The following AMPH variants were observed in gnomAD, a reference collection of about 807,000 sequenced individuals.
AMPH encodes amphiphysin.
A neutral mutation model predicts 99.1 loss-of-function variants in AMPH; 49 were observed. The observed-to-expected ratio is 0.49, with a 90% CI of 0.39 to 0.63. The LOEUF (loss-of-function observed/expected upper bound fraction) is 0.63, where lower values mean the gene tolerates loss of function less well. AMPH is among the 20% of genes least tolerant of loss of function. The pLI, the probability that AMPH is intolerant of heterozygous loss-of-function variation, is 0.00. For missense variants in AMPH, 759 were observed against 863.4 expected (o/e 0.88, Z 1.52); for synonymous variants, 314 against 317.3 (o/e 0.99, Z 0.11).
intron 5 of AMPH, among the ~76,000 whole-genome samples, chr7:38,478,364 A>G (rs941379965): frequency 2.0e-5 from 3 of 152,190 alleles, no homozygotes; most frequent in Non-Finnish European, 2.9e-5. Context: ...TAGCAGTCCA[A>G]TTCTGGAGGA....
At position 38,472,110 on chromosome 7, in the gene AMPH, A is replaced by G. The variant is rs570160578; in HGVS notation, c.590+3221T>C. On this transcript the variant is annotated intron_variant, in intron 7 of 20. Coordinates refer to ENST00000356264, the MANE Select transcript of AMPH (RefSeq NM_001635.4). ...ACAACATATAGTCAACCTGAACCTC[A>G]CAGGCATATATAGAACATTCCACTC... Among the ~76,000 whole-genome samples, 10 of 152,256 alleles carry G rather than the reference A, an allele frequency of 6.6e-5. 1 individual carries two copies. In the Middle Eastern group the frequency reaches 0.01, roughly 155 times the overall value.
At chr7:38,456,650 G>T (rs113140784) in intron 11 of AMPH, among the ~76,000 whole-genome samples, 1 of 152,142 alleles carries the variant, frequency 6.6e-6, no homozygotes, top group Non-Finnish European at 1.5e-5. Flanking sequence ...GACCACTTGG[G>T]TTCCCGTGGG....
chr7:38,516,558 C>G (rs1261669096), intron 2 of AMPH, among the ~76,000 whole-genome samples: 2 of 152,206 alleles, frequency 1.3e-5, no homozygotes, highest in African/African-American at 4.8e-5. Flanking sequence ...GCTATAGGAG[C>G]AAAGCTCTCA....
At chr7:38,400,162 G>A (rs369261963) in intron 17 of AMPH, among the ~76,000 whole-genome samples, 91 of 151,976 alleles carry the variant, frequency 6.0e-4, no homozygotes, top group Middle Eastern at 3.4e-3. Flanking sequence ...TGCAACCTCC[G>A]CCCCCCAGGT....
At chr7:38,417,637 T>C (rs922649720) in intron 17 of AMPH, among the ~76,000 whole-genome samples, 188 bp downstream of exon 17, 1 of 152,210 alleles carries the variant, frequency 6.6e-6, no homozygotes, top group Middle Eastern at 3.2e-3. Flanking sequence ...AGATCAGTTA[T>C]CTGGATATCT....
chr7:38,515,977 A>G (rs1157258479), intron 2 of AMPH, among the ~76,000 whole-genome samples: 2 of 152,236 alleles, frequency 1.3e-5, no homozygotes, highest in African/African-American at 4.8e-5. Context: ...AAGCAGCAAA[A>G]TGTTCAAGAT....
At chr7:38,590,656 C>T (rs1792822989) in intron 1 of AMPH, among the ~76,000 whole-genome samples, 1 of 152,152 alleles carries the variant, frequency 6.6e-6, no homozygotes, top group African/African-American at 2.4e-5. Context: ...AGTGAGCCCT[C>T]TTTACTACCT....
chr7:38,600,595 A>T (rs1231896819), intron 1 of AMPH, among the ~76,000 whole-genome samples: 1 of 152,212 alleles, frequency 6.6e-6, no homozygotes, highest in African/African-American at 2.4e-5. Context: ...ACCATAGGAA[A>T]ATGTCAATCT....
chr7:38,620,169 T>A (rs765535355), intron 1 of AMPH, among the ~76,000 whole-genome samples: 3 of 152,120 alleles, frequency 2.0e-5, no homozygotes, highest in Non-Finnish European at 4.4e-5. Flanking sequence ...TATTCCTAAG[T>A]CCAAGACCAC....
At chr7:38,557,307 G>A (rs1381520082) in intron 1 of AMPH, among the ~76,000 whole-genome samples, 2 of 152,224 alleles carry the variant, frequency 1.3e-5, no homozygotes, top group Non-Finnish European at 2.9e-5. Context: ...GTTTGGCAGT[G>A]TCCCCACCCA....
intron 7 of AMPH, among the ~76,000 whole-genome samples, chr7:38,470,790 A>G (rs1214307579): frequency 6.6e-6 from 1 of 152,182 alleles, no homozygotes; most frequent in Non-Finnish European, 1.5e-5. Flanking sequence ...CTCAACATAT[A>G]TAAGCCAGAC....
At chr7:38,530,183 A>T (rs1584210721) in intron 2 of AMPH, among the ~76,000 whole-genome samples, 1 of 152,222 alleles carries the variant, frequency 6.6e-6, no homozygotes, top group East Asian at 1.9e-4. Context: ...TCCCATGGAA[A>T]TAAAAACATA....
intron 7 of AMPH, among the ~76,000 whole-genome samples, chr7:38,466,500 A>G (rs975202834): frequency 1.3e-5 from 2 of 151,544 alleles, no homozygotes; most frequent in Admixed American, 6.6e-5. Flanking sequence ...GTGATTCTCA[A>G]ACTTTAGTGT....
chr7:38,571,713 T>C (rs1404292308), intron 1 of AMPH, among the ~76,000 whole-genome samples: 1 of 151,574 alleles, frequency 6.6e-6, no homozygotes, highest in Non-Finnish European at 1.5e-5. Flanking sequence ...AATGTTACTG[T>C]GAGCTAAGGT....
intron 1 of AMPH, among the ~76,000 whole-genome samples, chr7:38,583,265 T>A (rs1054646519): frequency 3.3e-5 from 5 of 152,228 alleles, no homozygotes; most frequent in African/African-American, 1.2e-4. Context: ...TTTGGCAACA[T>A]ACTTGACACC....
chr7:38,454,022 C>T (rs145119769), intron 11 of AMPH, among the ~76,000 whole-genome samples: 64 of 152,300 alleles, frequency 4.2e-4, no homozygotes, highest in African/African-American at 1.3e-3. Flanking sequence ...CTATCCCTGG[C>T]GGCATCTCGG....
chr7:38,619,771 C>A (rs1410966143), intron 1 of AMPH, among the ~76,000 whole-genome samples: 1 of 152,162 alleles, frequency 6.6e-6, no homozygotes, highest in Non-Finnish European at 1.5e-5. Context: ...GGACTTAGGT[C>A]TCAACCTATA....
chr7:38,412,700 T>C (rs1314761257), intron 17 of AMPH, among the ~76,000 whole-genome samples: 3 of 152,242 alleles, frequency 2.0e-5, no homozygotes, highest in African/African-American at 7.2e-5. Context: ...CAGTTACTTG[T>C]ATCAGATTTG....
chr7:38,439,760 G>A (rs965322555), intron 11 of AMPH, among the ~76,000 whole-genome samples: 1 of 152,120 alleles, frequency 6.6e-6, no homozygotes, highest in Non-Finnish European at 1.5e-5. Context: ...TCTTCCAATA[G>A]GAAAACATTG....
Sources: gnomAD v4.1 joint callset for allele counts (sites outside exome capture counted in the v4.1 genomes callset) on GRCh38, gnomAD v4.1.1 for gene constraint, MANE v1.5 for transcripts, NCBI Gene and HGNC (gene_info 2026-07-23, HGNC 2026-07-21) for gene names.